The following PAK1 variants were observed in gnomAD, a reference collection of about 807,000 sequenced individuals.
PAK1 encodes serine/threonine-protein kinase PAK 1.
A neutral mutation model predicts 67.4 loss-of-function variants in PAK1; 29 were observed. The observed-to-expected ratio is 0.43, with a 90% CI of 0.32 to 0.59. PAK1 has a LOEUF of 0.59. PAK1 is among the 20% of genes least tolerant of loss of function. PAK1 has a pLI of 0.07. For missense variants in PAK1, 337 were observed against 670.7 expected (o/e 0.50, Z 5.50); for synonymous variants, 223 against 237.4 (o/e 0.94, Z 0.56).
At chr11:77,529,705 GAGA>G in the PAK1 span, among the ~76,000 whole-genome samples, 4 of 152,160 alleles carry the variant, frequency 2.6e-5, no homozygotes, top group Non-Finnish European at 4.4e-5. Flanking sequence ...CATCTCAAAG[GAGA>G]AGATGTTTAG....
In PAK1 at chr11:77,386,540, T is replaced by C. The variant is rs371076746; in HGVS notation, c.190+5791A>G. The stretch of plus-strand genomic sequence containing the variant: ...TACAGGCCCTCAATTACAGCTTCTC[T>C]TTCCAATCATTTATGCATCCCCCAG... On this transcript the variant is annotated intron_variant, in intron 2 of 14. Transcript: ENST00000356341. 5.3e-4 allele frequency among the ~76,000 whole-genome samples: 80 copies of C among 152,308 alleles called. 2 individuals carry two copies. In the South Asian group the frequency reaches 0.013, roughly 25 times the overall value.
At chr11:77,354,154 G>T (rs980088047) in intron 7 of PAK1, among the ~76,000 whole-genome samples, 7 of 152,122 alleles carry the variant, frequency 4.6e-5, no homozygotes, top group Admixed American at 4.6e-4. Context: ...TTACAACAAA[G>T]AATATTTCAA....
At chr11:77,428,894 C>G (rs1955703558) in intron 1 of PAK1, among the ~76,000 whole-genome samples, 2 of 151,112 alleles carry the variant, frequency 1.3e-5, no homozygotes, top group African/African-American at 2.4e-5. Context: ...AAAGCCCAAG[C>G]AAGATAAGGA....
chr11:77,513,626 G>A, the PAK1 span, among the ~76,000 whole-genome samples: 6 of 136,198 alleles, frequency 4.4e-5, no homozygotes, highest in East Asian at 2.2e-4. Flanking sequence ...AGCCAACATC[G>A]GGCCACTGCA....
At chr11:77,410,828 C>T (rs1274658265) in intron 1 of PAK1, among the ~76,000 whole-genome samples, 2 of 152,000 alleles carry the variant, frequency 1.3e-5, no homozygotes, top group Admixed American at 1.3e-4. Flanking sequence ...TCGGGCCTGA[C>T]ATGAGCTTCT....
intron 1 of PAK1, among the ~76,000 whole-genome samples, chr11:77,410,821 G>C (rs961847520): frequency 1.3e-5 from 2 of 152,014 alleles, no homozygotes; most frequent in Non-Finnish European, 2.9e-5. Context: ...GTTATTATCG[G>C]GCCTGACATG....
chr11:77,426,045 C>CA (rs1955526856), intron 1 of PAK1, among the ~76,000 whole-genome samples: 1 of 151,252 alleles, frequency 6.6e-6, no homozygotes, highest in African/African-American at 2.4e-5. Flanking sequence ...GCCACTGCAC[C>CA]AAGCCCATTC....
intron 3 of PAK1, 47 bp downstream of exon 3, chr11:77,379,847 G>A (rs755245342): frequency 7.9e-7 from 1 of 1,269,934 alleles, no homozygotes; most frequent in Non-Finnish European, 1.1e-6. Flanking sequence ...ACAGTGCACA[G>A]CCAGAACTCT....
rs184246456 is a variant in PAK1, at chr11:77,391,217, T to C, written c.190+1114A>G. ...GAATCTCAGTTCTGATTTTACCATG[T>C]AGTCTACCAGCTATGCCTCCCAGTT... On this transcript the variant is annotated intron_variant, in intron 2 of 14. Transcript: ENST00000356341. 4.5e-4 allele frequency among the ~76,000 whole-genome samples: 69 copies of C among 152,328 alleles called. No individual in the cohort carries two copies. The East Asian group carries it at 9.4e-3, about 21-fold the overall frequency.
chr11:77,388,622 G>A (rs995371526), intron 2 of PAK1, among the ~76,000 whole-genome samples: 3 of 152,146 alleles, frequency 2.0e-5, no homozygotes, highest in African/African-American at 7.2e-5. Context: ...CAAAGTGGTG[G>A]GATTACAGGC....
chr11:77,419,502 TA>T (rs1955145089), intron 1 of PAK1, among the ~76,000 whole-genome samples: 1 of 152,218 alleles, frequency 6.6e-6, no homozygotes, highest in African/African-American at 2.4e-5. Flanking sequence ...CAACTCCTGC[TA>T]ACTCTATTAT....
the PAK1 span, among the ~76,000 whole-genome samples, chr11:77,491,172 A>G: frequency 6.6e-6 from 1 of 151,658 alleles, no homozygotes; most frequent in African/African-American, 2.4e-5. Context: ...ATAAAAAGAT[A>G]TCCTATGTTT....
intron 1 of PAK1, among the ~76,000 whole-genome samples, chr11:77,414,324 T>C (rs1435356936): frequency 6.6e-6 from 1 of 152,244 alleles, no homozygotes; most frequent in Non-Finnish European, 1.5e-5. Context: ...GTGATGATTT[T>C]ATGGTTTAGT....
intron 1 of PAK1, among the ~76,000 whole-genome samples, chr11:77,434,550 C>T (rs1956022814): frequency 6.6e-6 from 1 of 151,666 alleles, no homozygotes; most frequent in African/African-American, 2.4e-5. Flanking sequence ...TGGGCTCAAG[C>T]GATCTTCCCA....
At chr11:77,414,083 GTA>G (rs1012465973) in intron 1 of PAK1, among the ~76,000 whole-genome samples, 3 of 152,170 alleles carry the variant, frequency 2.0e-5, no homozygotes, top group Non-Finnish European at 2.9e-5. Flanking sequence ...GTGGCTCTCT[GTA>G]AATTTCTAAT....
At chr11:77,379,130 C>T in intron 4 of PAK1, 111 bp downstream of exon 4, 2 of 917,782 alleles carry the variant, frequency 2.2e-6, no homozygotes, top group African/African-American at 3.4e-5. Context: ...AGTGCCACTT[C>T]CACTCTTTCC....
the PAK1 span, among the ~76,000 whole-genome samples, chr11:77,513,786 A>G: frequency 6.6e-6 from 1 of 151,854 alleles, no homozygotes; most frequent in South Asian, 2.1e-4. Flanking sequence ...GATGGTGGAA[A>G]GGAAGTATTG....
Position 77,337,307 on chromosome 11 carries a change from C to T in PAK1, c.1216+17G>A. ...CACAGGCAGAGAAGTATTATCATTC[C>T]TAAGGCTCCTACTTACTTAGCTTGA... On this transcript the variant is annotated intron_variant, in intron 12 of 14. Coordinates refer to ENST00000356341, the MANE Select transcript of PAK1 (RefSeq NM_002576.5). The T allele has an allele frequency of 7.4e-7, 1 of 1,352,460 alleles. No homozygotes were observed. The highest frequency in any genetic ancestry group is 1.1e-6 in the Non-Finnish European group (1 of 945,644). 83.8% of individuals were successfully genotyped at this position (1,352,460 alleles called of 1,614,324 possible).
In PAK1 at chr11:77,343,811, C is replaced by G. The variant is rs747633285; in HGVS notation, c.998+8G>C. The G allele has an allele frequency of 5.8e-6, 9 of 1,541,250 alleles. No homozygotes were observed. The highest frequency in any genetic ancestry group is 2.7e-5 in the African/African-American group (2 of 73,582). ...CCTTTCCCTCTGATGGGACCCACCA[C>G]TCCATACCTGTCCAAGTAATTCACA... is the stretch of plus-strand genomic sequence containing the variant. On this transcript the variant is annotated splice_region_variant and intron_variant, in intron 10 of 14. Transcript: ENST00000356341.
Sources: allele counts gnomAD v4.1 joint callset (sites outside exome capture counted in the v4.1 genomes callset), GRCh38; gene constraint gnomAD v4.1.1; transcripts MANE v1.5; gene names NCBI Gene and HGNC (gene_info 2026-07-23, HGNC 2026-07-21).